Variants in NCKAP5 observed in about 807,000 individuals in gnomAD.
The protein encoded by NCKAP5 is NCK associated protein 5.
A neutral mutation model predicts 167.0 loss-of-function variants in NCKAP5; 92 were observed. The ratio of observed to expected loss-of-function variants is 0.55; its 90% CI spans 0.47 to 0.66. The LOEUF (loss-of-function observed/expected upper bound fraction) is 0.66. NCKAP5 is among the 30% of genes least tolerant of loss of function. The pLI is 0.00. For missense variants in NCKAP5, 2,378 were observed against 2,315.0 expected (o/e 1.03, Z -0.56); for synonymous variants, 891 against 877.4 (o/e 1.02, Z -0.27).
At chr2:133,162,757 G>T (rs367673260) in intron 5 of NCKAP5, among the ~76,000 whole-genome samples, 37 of 152,052 alleles carry the variant, frequency 2.4e-4, no homozygotes, top group African/African-American at 8.7e-4. Context: ...CTTATAAGAA[G>T]ACAATTCAGG....
At chr2:133,222,440 A>C (rs1035781759) in intron 4 of NCKAP5, among the ~76,000 whole-genome samples, 2 of 152,188 alleles carry the variant, frequency 1.3e-5, no homozygotes, top group African/African-American at 2.4e-5. Flanking sequence ...AATACATTCA[A>C]TATGCTGCAA....
chr2:132,703,071 C>A (rs1387398361), intron 19 of NCKAP5, among the ~76,000 whole-genome samples: 1 of 152,050 alleles, frequency 6.6e-6, no homozygotes, highest in Non-Finnish European at 1.5e-5. Context: ...GTCCTAGCTA[C>A]TTGGGAGACT....
At chr2:133,525,729 G>T (rs1684818198) in intron 2 of NCKAP5, among the ~76,000 whole-genome samples, 1 of 152,032 alleles carries the variant, frequency 6.6e-6, no homozygotes, top group Admixed American at 6.6e-5. Context: ...AGAAACTGGG[G>T]ATTATGTCTC....
chr2:133,590,652 G>T, the NCKAP5 span, among the ~76,000 whole-genome samples: 1 of 152,090 alleles, frequency 6.6e-6, no homozygotes, highest in Non-Finnish European at 1.5e-5. Flanking sequence ...CCCAAAGGAG[G>T]AGTTACTCAC....
the NCKAP5 span, among the ~76,000 whole-genome samples, chr2:133,660,497 T>G: frequency 1.3e-5 from 2 of 152,192 alleles, no homozygotes; most frequent in Non-Finnish European, 2.9e-5. Flanking sequence ...TTGCATGCAA[T>G]TTTTTAAAAC....
intron 3 of NCKAP5, among the ~76,000 whole-genome samples, chr2:133,406,843 T>C (rs1688469431): frequency 1.3e-5 from 2 of 152,140 alleles, no homozygotes; most frequent in Admixed American, 6.5e-5. Context: ...AGCAGCAAAG[T>C]CTATATTCAA....
chr2:133,355,995 A>G (rs1684689901), intron 3 of NCKAP5, among the ~76,000 whole-genome samples: 1 of 151,852 alleles, frequency 6.6e-6, no homozygotes, highest in African/African-American at 2.4e-5. Flanking sequence ...CGGCGTGATC[A>G]TGTCTCACCG....
chr2:133,436,673 A>C (rs915075959), intron 3 of NCKAP5, among the ~76,000 whole-genome samples: 1 of 151,966 alleles, frequency 6.6e-6, no homozygotes, highest in African/African-American at 2.4e-5. Flanking sequence ...ACCTCTACTC[A>C]TCCTGAGAGA....
chr2:132,780,372 G>C (rs1003365295), intron 15 of NCKAP5, among the ~76,000 whole-genome samples: 2 of 151,990 alleles, frequency 1.3e-5, no homozygotes, highest in African/African-American at 2.4e-5. Flanking sequence ...GGATGGTCTC[G>C]ATCTCCTGAC....
At chr2:133,609,390 T>C in the NCKAP5 span, among the ~76,000 whole-genome samples, 1 of 152,220 alleles carries the variant, frequency 6.6e-6, no homozygotes, top group African/African-American at 2.4e-5. Context: ...TTTAAGAAAG[T>C]CACATGAGTT....
intron 13 of NCKAP5, among the ~76,000 whole-genome samples, chr2:132,789,161 G>T (rs940626967): frequency 6.6e-6 from 1 of 152,230 alleles, no homozygotes; most frequent in African/African-American, 2.4e-5. Context: ...AAGCCTTTGA[G>T]AAGGAGAGAG....
chr2:132,679,194 G>A (rs939300109), intron 19 of NCKAP5, among the ~76,000 whole-genome samples: 2 of 152,188 alleles, frequency 1.3e-5, no homozygotes, highest in Admixed American at 1.3e-4. Context: ...GACAAGCTTA[G>A]TAATTAGCAG....
At chr2:133,591,853 T>C in the NCKAP5 span, among the ~76,000 whole-genome samples, 1 of 152,214 alleles carries the variant, frequency 6.6e-6, no homozygotes, top group Non-Finnish European at 1.5e-5. Context: ...AAGCAGTTCA[T>C]GTTTATGATA....
At chr2:133,587,160 C>G in the NCKAP5 span, among the ~76,000 whole-genome samples, 2 of 152,158 alleles carry the variant, frequency 1.3e-5, no homozygotes, top group Admixed American at 1.3e-4. Context: ...TCAGTCATCA[C>G]ATTTTTCAGA....
chr2:133,561,456 A>G (rs952569104), intron 1 of NCKAP5, among the ~76,000 whole-genome samples: 1 of 152,256 alleles, frequency 6.6e-6, no homozygotes, highest in Non-Finnish European at 1.5e-5. Flanking sequence ...ATAACATTAC[A>G]TGAGGTATCA....
intron 3 of NCKAP5, among the ~76,000 whole-genome samples, chr2:133,304,676 T>G (rs1283748662): frequency 6.6e-6 from 1 of 152,220 alleles, no homozygotes; most frequent in South Asian, 2.1e-4. Context: ...GAAATAAATG[T>G]ACAGATCTTA....
chr2:133,057,594 C>T (rs1241860441), intron 6 of NCKAP5, among the ~76,000 whole-genome samples: 1 of 152,188 alleles, frequency 6.6e-6, no homozygotes, highest in African/African-American at 2.4e-5. Flanking sequence ...CCTTAACTCT[C>T]TTCAATTCTA....
intron 4 of NCKAP5, among the ~76,000 whole-genome samples, chr2:133,280,328 C>G (rs868498348): frequency 6.6e-6 from 1 of 152,316 alleles, no homozygotes; most frequent in African/African-American, 2.4e-5. Flanking sequence ...AGAAAACTTG[C>G]ATTTAAGAAA....
Position 132,950,250 on chromosome 2 carries a change from A to T in NCKAP5, c.579+13470T>A, listed in dbSNP as rs976879517. 2.6e-5 allele frequency among the ~76,000 whole-genome samples: 4 copies of T among 152,342 alleles called. No homozygotes were observed. The South Asian group carries it at 8.3e-4, about 32-fold the overall frequency. On this transcript the variant is annotated intron_variant, in intron 8 of 19. Transcript: ENST00000409261. ...AAGATCCACATAAGATGATCAGATA[A>T]ATGTCTTTTTATATTTTTCTCCAAG... is the stretch of plus-strand genomic sequence containing the variant.
Sources: allele counts gnomAD v4.1 joint callset (sites outside exome capture counted in the v4.1 genomes callset), GRCh38; gene constraint gnomAD v4.1.1; transcripts MANE v1.5; gene names NCBI Gene and HGNC (gene_info 2026-07-23, HGNC 2026-07-21).